The following SMYD3 variants were observed in gnomAD, a reference collection of about 807,000 sequenced individuals.
SMYD3 encodes histone-lysine N-methyltransferase SMYD3.
Under a neutral mutation model 57.7 loss-of-function variants are expected in SMYD3, and 36 were observed. That is an observed-to-expected ratio of 0.62 (90% CI 0.48 to 0.82). The LOEUF (loss-of-function observed/expected upper bound fraction) is 0.82, where lower values mean the gene tolerates loss of function less well. SMYD3 is among the 40% of genes least tolerant of loss of function. The pLI is 0.00. For synonymous variants in SMYD3, 211 were observed against 195.0 expected (o/e 1.08, Z -0.68); for missense variants, 515 against 538.8 (o/e 0.96, Z 0.44).
At chr1:246,140,335 A>G (rs1018219196) in intron 5 of SMYD3, among the ~76,000 whole-genome samples, 5 of 152,200 alleles carry the variant, frequency 3.3e-5, no homozygotes, top group African/African-American at 1.2e-4. Flanking sequence ...TATTAGTGGT[A>G]TTCATCTTGT....
At chr1:246,006,570 CAGA>C (rs67436226) in intron 5 of SMYD3, among the ~76,000 whole-genome samples, 66,204 of 151,854 alleles carry the variant, frequency 0.44, 17,560 homozygotes, top group Non-Finnish European at 0.6. Flanking sequence ...GACTTATTCT[CAGA>C]AGATTTTTTA....
chr1:246,477,222 T>C (rs2068040788), intron 1 of SMYD3, among the ~76,000 whole-genome samples: 1 of 152,246 alleles, frequency 6.6e-6, no homozygotes, highest in Non-Finnish European at 1.5e-5. Context: ...TCTTTGTGTA[T>C]GCATCCTATT....
chr1:245,920,135 A>C (rs982531679), intron 7 of SMYD3, among the ~76,000 whole-genome samples: 2 of 152,034 alleles, frequency 1.3e-5, no homozygotes, highest in South Asian at 2.1e-4. Context: ...AACACGGTGA[A>C]ACCCCGTCTC....
chr1:246,340,727 A>T (rs1305718210), intron 2 of SMYD3, among the ~76,000 whole-genome samples: 2 of 152,172 alleles, frequency 1.3e-5, no homozygotes, highest in African/African-American at 2.4e-5. Flanking sequence ...AATTTATTTT[A>T]AAAAATTTAA....
chr1:246,475,263 G>A (rs370571406), intron 1 of SMYD3, among the ~76,000 whole-genome samples: 3 of 151,614 alleles, frequency 2.0e-5, no homozygotes, highest in East Asian at 2.0e-4. Flanking sequence ...CGGAAGAGGA[G>A]GTTGCAGTGA....
At chr1:246,327,485 G>C in intron 4 of SMYD3, 148 bp from the exon 5 acceptor site, 2 of 759,706 alleles carry the variant, frequency 2.6e-6, no homozygotes, top group South Asian at 2.0e-5. Context: ...TTTATCTTTT[G>C]ACAACTAAAT....
chr1:246,305,871 T>C (rs1429695512), intron 5 of SMYD3: 2 of 152,226 alleles, frequency 1.3e-5, no homozygotes, highest in Non-Finnish European at 2.9e-5. Context: ...TCTTGATGTC[T>C]AATGGCAGCG....
intron 5 of SMYD3, among the ~76,000 whole-genome samples, chr1:246,140,814 T>C (rs1470842610): frequency 6.6e-6 from 1 of 152,110 alleles, no homozygotes; most frequent in Non-Finnish European, 1.5e-5. Flanking sequence ...AGGCTGCTCT[T>C]GAACTCCTGG....
intron 1 of SMYD3, among the ~76,000 whole-genome samples, chr1:246,464,089 G>A (rs1223627630): frequency 6.6e-6 from 1 of 152,170 alleles, no homozygotes; most frequent in Non-Finnish European, 1.5e-5. Context: ...ATGAAGAAGA[G>A]ATGGTACAGT....
intron 1 of SMYD3, among the ~76,000 whole-genome samples, chr1:246,357,369 C>T (rs149534914): frequency 2.6e-4 from 39 of 152,292 alleles, no homozygotes; most frequent in African/African-American, 8.9e-4. Flanking sequence ...AGTGCCATGA[C>T]AGTTTACAAA....
chr1:245,829,175 A>C (rs2049691958), intron 10 of SMYD3, among the ~76,000 whole-genome samples: 1 of 146,612 alleles, frequency 6.8e-6, no homozygotes, highest in South Asian at 2.1e-4. Context: ...TGAAAAGTTC[A>C]CTTATATGGT....
chr1:246,369,008 TCTGA>T (rs907099216), intron 1 of SMYD3, among the ~76,000 whole-genome samples: 3 of 152,216 alleles, frequency 2.0e-5, no homozygotes, highest in African/African-American at 7.2e-5. Flanking sequence ...TCTAGAGAAA[TCTGA>T]CTAATACAAC....
intron 5 of SMYD3, among the ~76,000 whole-genome samples, chr1:246,084,146 A>T (rs1185080780): frequency 6.6e-6 from 1 of 152,016 alleles, no homozygotes. Flanking sequence ...AGATAGCCCC[A>T]AAGACAACAG....
At chr1:246,031,506 G>A (rs1045439019) in intron 5 of SMYD3, among the ~76,000 whole-genome samples, 2 of 152,116 alleles carry the variant, frequency 1.3e-5, no homozygotes, top group African/African-American at 4.8e-5. Context: ...GGGAGGCCGA[G>A]GCAGGCAGAT....
At chr1:246,397,984 C>G (rs1429986228) in intron 1 of SMYD3, among the ~76,000 whole-genome samples, 1 of 150,462 alleles carries the variant, frequency 6.6e-6, no homozygotes, top group Admixed American at 6.6e-5. Context: ...ACAACAACAA[C>G]AAGACTGGTT....
chr1:246,029,532 C>T (rs572927150), intron 5 of SMYD3, among the ~76,000 whole-genome samples: 25 of 151,590 alleles, frequency 1.6e-4, no homozygotes, highest in African/African-American at 6.1e-4. Flanking sequence ...ATTAGCCAGG[C>T]GTGGTGACAC....
chr1:246,500,878 CT>C (rs1377888572), intron 1 of SMYD3, among the ~76,000 whole-genome samples: 4 of 152,156 alleles, frequency 2.6e-5, no homozygotes, highest in Admixed American at 2.6e-4. Context: ...TTTCCCAAAC[CT>C]CGTTACAGAA....
intron 5 of SMYD3, among the ~76,000 whole-genome samples, chr1:246,018,980 C>A (rs963200557): frequency 2.0e-5 from 3 of 152,232 alleles, no homozygotes; most frequent in African/African-American, 4.8e-5. Flanking sequence ...CAGATAATTT[C>A]TTGATATCTT....
intron 8 of SMYD3, among the ~76,000 whole-genome samples, chr1:245,874,438 T>A (rs542395295): frequency 6.6e-6 from 1 of 152,146 alleles, no homozygotes; most frequent in Non-Finnish European, 1.5e-5. Flanking sequence ...GAGACACAAG[T>A]CTAGACATAG....
Sources: gnomAD v4.1 joint callset for allele counts (sites outside exome capture counted in the v4.1 genomes callset) on GRCh38, gnomAD v4.1.1 for gene constraint, MANE v1.5 for transcripts, NCBI Gene and HGNC (gene_info 2026-07-23, HGNC 2026-07-21) for gene names.